The following PDZRN3 variants were observed in gnomAD, a reference collection of about 807,000 sequenced individuals.
PDZRN3 encodes E3 ubiquitin-protein ligase PDZRN3.
In PDZRN3, 38 loss-of-function variants were observed where a neutral mutation model predicts 85.7. That is an observed-to-expected ratio of 0.44 (90% CI 0.34 to 0.58). The LOEUF is 0.58. Among genes scored for constraint, PDZRN3 ranks in the 20% least tolerant of loss-of-function variants. The pLI is 0.01. For missense variants in PDZRN3, 1,629 were observed against 1,506.4 expected (o/e 1.08, Z -1.35); for synonymous variants, 759 against 638.0 (o/e 1.19, Z -2.86).
At chr3:73,604,009 T>C (rs1702557110) in intron 2 of PDZRN3, among the ~76,000 whole-genome samples, 2 of 152,168 alleles carry the variant, frequency 1.3e-5, no homozygotes, top group South Asian at 4.2e-4. Flanking sequence ...GACAAAGATA[T>C]GTCTCTAACT....
intron 3 of PDZRN3, among the ~76,000 whole-genome samples, chr3:73,467,545 A>G (rs1703245431): frequency 6.6e-6 from 1 of 152,200 alleles, no homozygotes; most frequent in Non-Finnish European, 1.5e-5. Context: ...TGAGTCCCAT[A>G]GCAAGAGGGT....
Position 73,463,084 on chromosome 3 carries a change from A to G in PDZRN3, c.919-58689T>C, listed in dbSNP as rs114570890. Among the ~76,000 whole-genome samples, 716 of 152,284 alleles carry G rather than the reference A, an allele frequency of 4.7e-3. 7 individuals are homozygous for G. Among genetic ancestry groups the G allele is most frequent in the Middle Eastern group, 0.031 (9 of 294 alleles). Reference sequence around the variant, plus strand: ...CAAAGTGTTACCATTGCAAGTAAGGACGGCATACATGTGAGAAGGGAAGAC... The same window carrying G: ...CAAAGTGTTACCATTGCAAGTAAGGGCGGCATACATGTGAGAAGGGAAGAC... On this transcript the variant is annotated intron_variant, in intron 3 of 9. Transcript: ENST00000263666.
At chr3:73,528,127 G>A (rs752483402) in intron 3 of PDZRN3, among the ~76,000 whole-genome samples, 6 of 152,178 alleles carry the variant, frequency 3.9e-5, no homozygotes, top group Non-Finnish European at 8.8e-5. Flanking sequence ...AGAGATTGAG[G>A]GCTGGATGGC....
rs150891989 is a variant in PDZRN3 at position 73,404,312 on chromosome 3, C to T, written c.1002G>A (p.Gln334=). 1.0e-3 allele frequency: 1,671 copies of T among 1,614,152 alleles called. 1 individual carries two copies. The highest frequency in any genetic ancestry group is 1.3e-3 in the Non-Finnish European group (1,538 of 1,180,018). ...FKTAKEPIVV[Q]VLRRTPRTKM... ...TGGTCCTTGGTGTTCTTCTCAACAC[C>T]TGCACCACTATGGGCTCCTTGGCTG... is the stretch of plus-strand genomic sequence containing the variant. Residue 334 remains glutamine, a synonymous_variant, in exon 4 of 10, where the codon CAG becomes CAA. Transcript: ENST00000263666.
intron 3 of PDZRN3, among the ~76,000 whole-genome samples, chr3:73,523,377 T>G (rs1404792786): frequency 6.6e-6 from 1 of 152,174 alleles, no homozygotes; most frequent in East Asian, 1.9e-4. Flanking sequence ...ATTTAGAGAT[T>G]ACATAATGGA....
At chr3:73,555,908 A>G (rs1290664409) in intron 3 of PDZRN3, among the ~76,000 whole-genome samples, 2 of 152,220 alleles carry the variant, frequency 1.3e-5, no homozygotes, top group Non-Finnish European at 2.9e-5. Context: ...CATAAATTCA[A>G]TTGTAACTCC....
chr3:73,607,352 T>C (rs1000957542), intron 2 of PDZRN3, among the ~76,000 whole-genome samples: 2 of 152,222 alleles, frequency 1.3e-5, no homozygotes, highest in Non-Finnish European at 2.9e-5. Flanking sequence ...GGTCCTCTGA[T>C]CTAGCAAATT....
rs761040842 is a variant in PDZRN3, at chr3:73,387,131, T to C, written c.1518+837A>G. On this transcript the variant is annotated intron_variant, in intron 8 of 9. Transcript: ENST00000263666. Reference sequence around the variant, plus strand: ...ACGTGCCTTTTGCCTTCCACCATGATTGTGAGGCCTCCCCAGCCATGTGGA... The same window carrying C: ...ACGTGCCTTTTGCCTTCCACCATGACTGTGAGGCCTCCCCAGCCATGTGGA... Among the ~76,000 whole-genome samples the C allele has an allele frequency of 3.9e-5, 6 of 152,216 alleles. No individual in the cohort carries two copies. The South Asian group carries it at 1.2e-3, about 32-fold the overall frequency.
intron 3 of PDZRN3, among the ~76,000 whole-genome samples, chr3:73,493,552 G>C (rs55923364): frequency 0.021 from 3,214 of 152,138 alleles, 39 homozygotes; most frequent in South Asian, 0.044. Flanking sequence ...AGAGACTGCA[G>C]ACTCAAATCC....
At chr3:73,515,780 T>C (rs1028308923) in intron 3 of PDZRN3, among the ~76,000 whole-genome samples, 6 of 152,212 alleles carry the variant, frequency 3.9e-5, no homozygotes, top group Non-Finnish European at 7.4e-5. Context: ...GTTAGAACCA[T>C]TTTCACATGG....
chr3:73,502,710 A>C (rs1456636449), intron 3 of PDZRN3, among the ~76,000 whole-genome samples: 5 of 152,242 alleles, frequency 3.3e-5, no homozygotes, highest in African/African-American at 4.8e-5. Flanking sequence ...CAGCTCGGTC[A>C]AGGATGTTAA....
At chr3:73,508,867 C>A (rs1704114301) in intron 3 of PDZRN3, among the ~76,000 whole-genome samples, 1 of 152,012 alleles carries the variant, frequency 6.6e-6, no homozygotes, top group South Asian at 2.1e-4. Context: ...ATACAAAAAC[C>A]AAAAAAGAAA....
At chr3:73,385,817 G>C in intron 8 of PDZRN3, 32 bp from the exon 9 acceptor site, 1 of 1,213,088 alleles carries the variant, frequency 8.2e-7, no homozygotes, top group Non-Finnish European at 1.2e-6. Context: ...ACATGCCTTA[G>C]AAGTTTCCTT....
At chr3:73,416,891 T>G (rs4676923) in intron 3 of PDZRN3, among the ~76,000 whole-genome samples, 2,816 of 138,836 alleles carry the variant, frequency 0.02, 46 homozygotes, top group African/African-American at 0.072. Flanking sequence ...TTTTTTTTTT[T>G]TTTTTTTTTT....
At chr3:73,520,052 G>C (rs866775280) in intron 3 of PDZRN3, among the ~76,000 whole-genome samples, 1 of 152,162 alleles carries the variant, frequency 6.6e-6, no homozygotes, top group Non-Finnish European at 1.5e-5. Flanking sequence ...TAAAGCAGGG[G>C]GGAACACAGA....
chr3:73,589,312 G>A (rs1187138612), intron 3 of PDZRN3, among the ~76,000 whole-genome samples: 1 of 152,138 alleles, frequency 6.6e-6, no homozygotes, highest in East Asian at 1.9e-4. Flanking sequence ...AGATCACCTA[G>A]AACTGGGATG....
intron 3 of PDZRN3, among the ~76,000 whole-genome samples, chr3:73,541,886 GTAAAT>G (rs145926703): frequency 0.016 from 2,426 of 152,252 alleles, 25 homozygotes; most frequent in Non-Finnish European, 0.027. Context: ...GTAAATGTTT[GTAAAT>G]GCTAGAAACC....
chr3:73,386,610 TAAAA>T (rs1463656277), intron 8 of PDZRN3, among the ~76,000 whole-genome samples: 1 of 152,160 alleles, frequency 6.6e-6, no homozygotes, highest in Non-Finnish European at 1.5e-5. Context: ...TAAATAATAA[TAAAA>T]AAAGTTGAAT....
chr3:73,584,482 T>G (rs1702250040), intron 3 of PDZRN3, among the ~76,000 whole-genome samples: 1 of 110,930 alleles, frequency 9.0e-6, no homozygotes, highest in African/African-American at 3.0e-5. Context: ...TGTGTGTGTG[T>G]GTGTGTGTGT....
Sources: gnomAD v4.1 joint callset for allele counts (sites outside exome capture counted in the v4.1 genomes callset) on GRCh38, gnomAD v4.1.1 for gene constraint, MANE v1.5 for transcripts, NCBI Gene and HGNC (gene_info 2026-07-23, HGNC 2026-07-21) for gene names.